The following SLC16A10 variants were observed in gnomAD, a reference collection of about 807,000 sequenced individuals.
The protein encoded by SLC16A10 is solute carrier family 16 member 10.
In SLC16A10, 27 loss-of-function variants were observed where a neutral mutation model predicts 40.0. The observed-to-expected ratio is 0.67, with a 90% CI of 0.50 to 0.93. SLC16A10 has a LOEUF of 0.93. Among genes scored for constraint, SLC16A10 ranks in the 40% least tolerant of loss-of-function variants. The probability of loss-of-function intolerance (pLI) is 0.00; values close to 1 mark genes in which losing one functional copy is unlikely to be tolerated. For synonymous variants in SLC16A10, 213 were observed against 249.8 expected, an observed-to-expected ratio of 0.85 and a Z score of 1.39; for missense variants, 529 against 658.2, an observed-to-expected ratio of 0.80 and a Z score of 2.15.
Position 111,228,581 on chromosome 6 carries a change from A to G in SLC16A10, c.*6346A>G, listed in dbSNP as rs1277838751. ...GTATGACTTTTATTCTTTACTAGAT[A>G]TTTTTCAGTATCCGTCATTAGAAGA... On this transcript the variant is annotated 3_prime_UTR_variant, in exon 6 of 6. Transcript: ENST00000368851. 6.6e-6 allele frequency: 1 copy of G among 152,136 alleles called. No individual in the cohort carries two copies. The highest frequency in any genetic ancestry group is 1.5e-5 in the Non-Finnish European group (1 of 68,030). The allele number at this position is 152,136 out of a possible 1,614,324, so 9.4% of individuals were successfully genotyped here.
chr6:111,134,023 G>A lies in SLC16A10; in HGVS notation c.344-38672G>A, dbSNP rs113017752. Among the ~76,000 whole-genome samples, 391 of 152,266 alleles carry A rather than the reference G, an allele frequency of 2.6e-3. 2 individuals are homozygous for A. The highest frequency in any genetic ancestry group is 8.9e-3 in the African/African-American group (369 of 41,550). ...ATATAATATTACTGCTAAATCAGAC[G>A]CTAACCTCAAATGAGAGAAGTGCTG... On this transcript the variant is annotated intron_variant, in intron 1 of 5. Coordinates refer to ENST00000368851, the MANE Select transcript of SLC16A10 (RefSeq NM_018593.5).
chr6:111,137,147 G>A (rs891459889), intron 1 of SLC16A10, among the ~76,000 whole-genome samples: 71 of 152,286 alleles, frequency 4.7e-4, no homozygotes, highest in African/African-American at 1.6e-3. Context: ...TAGAAGAACC[G>A]CTAGTATGGG....
chr6:111,128,195 AATAATT>A lies in SLC16A10; in HGVS notation c.343+40110_343+40115del, dbSNP rs1363858472. Among the ~76,000 whole-genome samples the A allele has an allele frequency of 5.9e-5, 9 of 152,320 alleles. No homozygotes were observed. The East Asian group carries it at 1.5e-3, about 26-fold the overall frequency. ...ATCATCAATTGGTTAGCATTCTAAT[AATAATT>A]ATAATTATAGTAAACATTTATTGAG... On this transcript the variant is annotated intron_variant, in intron 1 of 5. Transcript: ENST00000368851.
At chr6:111,180,508 G>T (rs1299485775) in intron 3 of SLC16A10, among the ~76,000 whole-genome samples, 2 of 152,058 alleles carry the variant, frequency 1.3e-5, no homozygotes, top group East Asian at 3.9e-4. Context: ...ATGATGGTGC[G>T]ACTGCACTCC....
chr6:111,218,730 G>A, intron 4 of SLC16A10, 84 bp from the exon 5 acceptor site: 1 of 1,123,296 alleles, frequency 8.9e-7, no homozygotes, highest in Non-Finnish European at 1.3e-6. Context: ...AACCAGTAAT[G>A]ACTTAGAAGT....
At chr6:111,221,292 C>T (rs1275227558) in intron 5 of SLC16A10, among the ~76,000 whole-genome samples, 2 of 152,194 alleles carry the variant, frequency 1.3e-5, no homozygotes, top group Non-Finnish European at 2.9e-5. Flanking sequence ...TTCTTATATA[C>T]TTACATTTTC....
chr6:111,120,105 T>C (rs2114473689), intron 1 of SLC16A10, among the ~76,000 whole-genome samples: 1 of 152,354 alleles, frequency 6.6e-6, no homozygotes, highest in Non-Finnish European at 1.5e-5. Flanking sequence ...GAGATTTGCG[T>C]ATGTCCTCAC....
chr6:111,196,725 T>C (rs1773085496), intron 3 of SLC16A10, among the ~76,000 whole-genome samples: 1 of 152,192 alleles, frequency 6.6e-6, no homozygotes, highest in Non-Finnish European at 1.5e-5. Context: ...TTTCTCTGTG[T>C]AGAGCATTGA....
At chr6:111,155,275 C>T (rs1356979328) in intron 1 of SLC16A10, among the ~76,000 whole-genome samples, 1 of 151,012 alleles carries the variant, frequency 6.6e-6, no homozygotes, top group African/African-American at 2.4e-5. Context: ...GATCATGGCT[C>T]ACTGCAGCCT....
chr6:111,120,512 CT>C (rs1294201096), intron 1 of SLC16A10, among the ~76,000 whole-genome samples: 3 of 152,108 alleles, frequency 2.0e-5, no homozygotes, highest in African/African-American at 7.2e-5. Context: ...GACATAATGA[CT>C]TTTATTTGTA....
At chr6:111,216,921 C>T (rs1773435475) in intron 4 of SLC16A10, among the ~76,000 whole-genome samples, 2 of 152,168 alleles carry the variant, frequency 1.3e-5, no homozygotes, top group Non-Finnish European at 1.5e-5. Flanking sequence ...TGAATTCCAC[C>T]CAGAACTCAC....
At chr6:111,165,736 G>C (rs1490674664) in intron 1 of SLC16A10, among the ~76,000 whole-genome samples, 2 of 152,190 alleles carry the variant, frequency 1.3e-5, no homozygotes, top group Non-Finnish European at 2.9e-5. Context: ...AGATAGCTCA[G>C]AGAAAGGAAG....
intron 4 of SLC16A10, among the ~76,000 whole-genome samples, chr6:111,214,582 A>C (rs1773392794): frequency 6.6e-6 from 1 of 152,220 alleles, no homozygotes; most frequent in South Asian, 2.1e-4. Context: ...TCTGGGTATT[A>C]ACATCTGCTG....
At chr6:111,115,369 C>T (rs549510107) in intron 1 of SLC16A10, among the ~76,000 whole-genome samples, 9 of 152,254 alleles carry the variant, frequency 5.9e-5, no homozygotes, top group East Asian at 3.9e-4. Context: ...GCCATCACGC[C>T]GGCTAATTTT....
chr6:111,118,679 C>CAAAA (rs74273023), intron 1 of SLC16A10, among the ~76,000 whole-genome samples: 5 of 66,526 alleles, frequency 7.5e-5, no homozygotes, highest in African/African-American at 2.9e-4. Context: ...GCCTCCGTCT[C>CAAAA]AAAAAAAAAA....
chr6:111,123,513 G>C (rs1437074189), intron 1 of SLC16A10, among the ~76,000 whole-genome samples: 1 of 152,212 alleles, frequency 6.6e-6, no homozygotes, highest in African/African-American at 2.4e-5. Flanking sequence ...CACTTCCTCA[G>C]TGTCTAATTT....
intron 1 of SLC16A10, among the ~76,000 whole-genome samples, chr6:111,154,996 T>C (rs1019557698): frequency 2.1e-5 from 3 of 144,352 alleles, no homozygotes; most frequent in Non-Finnish European, 4.5e-5. Context: ...GCACTCCAGC[T>C]TGGGTGACAG....
intron 1 of SLC16A10, among the ~76,000 whole-genome samples, chr6:111,131,265 G>C (rs1044623448): frequency 3.9e-5 from 6 of 152,368 alleles, no homozygotes; most frequent in South Asian, 2.1e-4. Flanking sequence ...AATCGGGCTA[G>C]GGGCTTGCCA....
chr6:111,207,079 C>T (rs949441058), intron 4 of SLC16A10, among the ~76,000 whole-genome samples: 2 of 152,206 alleles, frequency 1.3e-5, no homozygotes, highest in Admixed American at 6.5e-5. Flanking sequence ...GATCTGCCCG[C>T]CTCGGCCTCC....
Sources: allele counts gnomAD v4.1 joint callset (sites outside exome capture counted in the v4.1 genomes callset), GRCh38; gene constraint gnomAD v4.1.1; transcripts MANE v1.5; gene names NCBI Gene and HGNC (gene_info 2026-07-23, HGNC 2026-07-21).